The following DAB2 variants were observed in gnomAD, a reference collection of about 807,000 sequenced individuals.
The protein encoded by DAB2 is DAB adaptor protein 2, also known as disabled homolog 2.
DAB2 carries 28 observed loss-of-function variants against 71.6 expected under a neutral mutation model. The ratio of observed to expected loss-of-function variants is 0.39; its 90% CI spans 0.29 to 0.54. DAB2 has a LOEUF of 0.54. DAB2 is among the 20% of genes least tolerant of loss of function. The pLI, the probability that DAB2 is intolerant of heterozygous loss-of-function variation, is 0.68. For missense variants in DAB2, 867 were observed against 928.8 expected, an observed-to-expected ratio of 0.93 and a Z score of 0.86; for synonymous variants, 345 against 339.7, an observed-to-expected ratio of 1.02 and a Z score of -0.17.
intron 1 of DAB2, among the ~76,000 whole-genome samples, chr5:39,407,922 A>T (rs146906492): frequency 6.6e-6 from 1 of 152,378 alleles, no homozygotes; most frequent in East Asian, 1.9e-4. Context: ...TAAAACAAGC[A>T]GGTAATCTTA....
chr5:39,397,512 T>G (rs565082342), intron 1 of DAB2, among the ~76,000 whole-genome samples: 1 of 152,314 alleles, frequency 6.6e-6, no homozygotes, highest in African/African-American at 2.4e-5. Context: ...AACTTATACC[T>G]AGTTAACACT....
chr5:39,401,749 A>ATTTATTTATTTC (rs1246499443), intron 1 of DAB2, among the ~76,000 whole-genome samples: 2 of 149,118 alleles, frequency 1.3e-5, no homozygotes, highest in African/African-American at 4.9e-5. Context: ...TTATTTATTT[A>ATTTATTTATTTC]TTTATTTATT....
At chr5:39,417,921 G>A (rs1755886231) in intron 1 of DAB2, 1 of 152,152 alleles carries the variant, frequency 6.6e-6, no homozygotes, top group Non-Finnish European at 1.5e-5. Flanking sequence ...AGCTATAGTT[G>A]AACCTTAGCC....
intron 11 of DAB2, among the ~76,000 whole-genome samples, chr5:39,379,631 T>A (rs1163882934): frequency 6.6e-6 from 1 of 151,934 alleles, no homozygotes; most frequent in Non-Finnish European, 1.5e-5. Context: ...GGGACATGGG[T>A]ATAGAACATT....
At chr5:39,416,916 T>C (rs560681545) in intron 1 of DAB2, among the ~76,000 whole-genome samples, 53 of 152,288 alleles carry the variant, frequency 3.5e-4, no homozygotes, top group African/African-American at 1.3e-3. Flanking sequence ...AGCAACCCTT[T>C]TCTCTACTTT....
intron 4 of DAB2, 82 bp downstream of exon 4, chr5:39,392,283 A>C (rs1184186740): frequency 2.0e-6 from 2 of 996,824 alleles, no homozygotes; most frequent in Non-Finnish European, 3.2e-6. Flanking sequence ...TTGAGAACGA[A>C]GAAGGGGAGC....
At chr5:39,406,910 G>T (rs940167144) in intron 1 of DAB2, among the ~76,000 whole-genome samples, 1 of 152,022 alleles carries the variant, frequency 6.6e-6, no homozygotes, top group South Asian at 2.1e-4. Context: ...TGTCTTTGGG[G>T]CAGTGACTTG....
At position 39,376,789 on chromosome 5, in the gene DAB2, C is replaced by G. The variant is rs774960856; in HGVS notation, c.1998G>C (p.Val666=). 11 of 1,613,998 alleles carry G rather than the reference C, an allele frequency of 6.8e-6. No individual in the cohort carries two copies. Among genetic ancestry groups the G allele is most frequent in the Middle Eastern group, 1.6e-4 (1 of 6,084 alleles). The change falls in exon 12 of 15, where the codon GTG becomes GTC. Residue 666 remains valine (V), a synonymous_variant. Transcript: ENST00000320816. ...AAGTCTGCTCTCCCTTCCGCGCGGG[C>G]ACAGCAGGTGGCTGCCGCAGTTGGA... ...KDFQLRQPPA[V]PARKGEQTSS... is the part of the protein sequence containing the mutation.
intron 1 of DAB2, among the ~76,000 whole-genome samples, chr5:39,397,915 T>C (rs1336387940): frequency 1.3e-5 from 2 of 152,130 alleles, no homozygotes; most frequent in Non-Finnish European, 2.9e-5. Flanking sequence ...TGGGAGGCAA[T>C]TGAAGTGTGT....
chr5:39,390,004 A>G, intron 5 of DAB2, 72 bp from the exon 6 acceptor site: 1 of 1,118,764 alleles, frequency 8.9e-7, no homozygotes, highest in African/African-American at 1.6e-5. Flanking sequence ...GCTATCAATT[A>G]TAATTCATAC....
At chr5:39,384,039 A>G (rs1483234296) in intron 9 of DAB2, among the ~76,000 whole-genome samples, 1 of 152,200 alleles carries the variant, frequency 6.6e-6, no homozygotes, top group Non-Finnish European at 1.5e-5. Flanking sequence ...GAGACACTCA[A>G]TACTGATCTA....
intron 9 of DAB2, chr5:39,388,023 T>C (rs1755138777): frequency 3.3e-6 from 1 of 303,162 alleles, no homozygotes; most frequent in Non-Finnish European, 6.1e-6. Context: ...GGACTATTAT[T>C]CACCTCCTCC....
At chr5:39,404,107 A>G (rs571047066) in intron 1 of DAB2, among the ~76,000 whole-genome samples, 9 of 152,106 alleles carry the variant, frequency 5.9e-5, no homozygotes, top group Non-Finnish European at 1.3e-4. Flanking sequence ...GTGTCTTTAT[A>G]GCAGCATGAT....
At chr5:39,375,612 C>T (rs117898435) in intron 13 of DAB2, among the ~76,000 whole-genome samples, 3,147 of 152,010 alleles carry the variant, frequency 0.021, 146 homozygotes, top group East Asian at 0.21. Flanking sequence ...TAGCCAGGTG[C>T]GGTGGCTCAT....
intron 11 of DAB2, among the ~76,000 whole-genome samples, 184 bp downstream of exon 11, chr5:39,381,270 G>A (rs538631721): frequency 2.0e-5 from 3 of 152,286 alleles, no homozygotes; most frequent in African/African-American, 7.2e-5. Context: ...AGCCAAATGT[G>A]AGTTACAAGT....
chr5:39,416,055 T>C (rs1259296764), intron 1 of DAB2, among the ~76,000 whole-genome samples: 2 of 151,644 alleles, frequency 1.3e-5, no homozygotes, highest in African/African-American at 4.9e-5. Flanking sequence ...TCCCTCCCCA[T>C]CATATTTTTT....
chr5:39,420,346 A>T (rs1375846763), intron 1 of DAB2, among the ~76,000 whole-genome samples: 1 of 152,160 alleles, frequency 6.6e-6, no homozygotes, highest in Non-Finnish European at 1.5e-5. Context: ...ACAACATTAA[A>T]CCATATTTCC....
rs950133783 is a variant in DAB2, at chr5:39,388,979, C to T, written c.570+118G>A. On this transcript the variant is annotated intron_variant, in intron 7 of 14. Coordinates refer to ENST00000320816, the MANE Select transcript of DAB2 (RefSeq NM_001343.4). ...CTTTTAACTAAACATCTTTCATGATCAGAGAAGTCATAAACACATAGTAAT... is the reference window on the plus strand; with the variant it reads ...CTTTTAACTAAACATCTTTCATGATTAGAGAAGTCATAAACACATAGTAAT... 1.2e-5 allele frequency: 16 copies of T among 1,312,408 alleles called. No individual in the cohort carries two copies. The African/African-American group carries it at 1.8e-4, about 14-fold the overall frequency. The allele number at this position is 1,312,408 out of a possible 1,614,324, so 81.3% of individuals were successfully genotyped here.
chr5:39,389,721 A>G, intron 6 of DAB2, 131 bp downstream of exon 6: 1 of 568,086 alleles, frequency 1.8e-6, no homozygotes, highest in Non-Finnish European at 3.1e-6. Flanking sequence ...CATGTTGGCC[A>G]GGCTGGTCTC....
Sources: allele counts gnomAD v4.1 joint callset (sites outside exome capture counted in the v4.1 genomes callset), GRCh38; gene constraint gnomAD v4.1.1; transcripts MANE v1.5; gene names NCBI Gene and HGNC (gene_info 2026-07-23, HGNC 2026-07-21).